The following ABLIM2 variants were observed in gnomAD, a reference collection of about 807,000 sequenced individuals.
ABLIM2 encodes the protein actin binding LIM protein family member 2.
A neutral mutation model predicts 97.7 loss-of-function variants in ABLIM2; 53 were observed. The observed-to-expected ratio is 0.54, with a 90% confidence interval of 0.44 to 0.68. The LOEUF (loss-of-function observed/expected upper bound fraction) is 0.68, where lower values mean the gene tolerates loss of function less well. ABLIM2 is among the 30% of genes least tolerant of loss of function. The probability of loss-of-function intolerance (pLI) is 0.00; values close to 1 mark genes in which losing one functional copy is unlikely to be tolerated. For synonymous variants in ABLIM2, 361 were observed against 345.8 expected, an observed-to-expected ratio of 1.04 and a Z score of -0.49; for missense variants, 835 against 867.2, an observed-to-expected ratio of 0.96 and a Z score of 0.47.
chr4:8,070,090 CTGTG>C (rs1236657268), intron 6 of ABLIM2, among the ~76,000 whole-genome samples: 1 of 151,414 alleles, frequency 6.6e-6, no homozygotes, highest in African/African-American at 2.4e-5. Context: ...CTGTGTCTTT[CTGTG>C]TGTTTGTGTG....
At position 7,984,465 on chromosome 4, in the gene ABLIM2, G is replaced by A. The variant is rs552386436; in HGVS notation, c.1735+374C>T. On this transcript the variant is annotated intron_variant, in intron 18 of 20. Coordinates refer to ENST00000447017, the MANE Select transcript of ABLIM2 (RefSeq NM_001130083.2). ...CCTGCTGAACCCGGAGAGTTCACGCGGCGTGCCGGCAGCCACACGGGGAGC... is the reference window on the plus strand; with the variant it reads ...CCTGCTGAACCCGGAGAGTTCACGCAGCGTGCCGGCAGCCACACGGGGAGC... Among the ~76,000 whole-genome samples the A allele has an allele frequency of 1.6e-4, 24 of 152,338 alleles. No individual in the cohort carries two copies. The South Asian group carries it at 4.6e-3, about 29-fold the overall frequency.
intron 9 of ABLIM2, among the ~76,000 whole-genome samples, chr4:8,037,291 C>T (rs1002571003): frequency 1.1e-4 from 16 of 151,840 alleles, no homozygotes; most frequent in African/African-American, 3.4e-4. Context: ...CATACGCACA[C>T]ATGCACACAC....
intron 2 of ABLIM2, among the ~76,000 whole-genome samples, chr4:8,102,562 CT>C (rs1835216734): frequency 6.6e-6 from 1 of 152,148 alleles, no homozygotes; most frequent in African/African-American, 2.4e-5. Context: ...ATGACTTTTA[CT>C]TAGAAAAACT....
rs571346078 is a variant in ABLIM2, at chr4:8,123,005, C to T, written c.11-16368G>A. ...CGGAGGTCGTGCCTGCCTCCCCTGG[C>T]GTTCCCACTCTGCAAGCCTCCTTCC... On this transcript the variant is annotated intron_variant, in intron 1 of 20. Coordinates refer to ENST00000447017, the MANE Select transcript of ABLIM2 (RefSeq NM_001130083.2). The surrounding 1 kb of genome is among the most constrained non-coding windows in gnomAD (Gnocchi z 6.2). Among the ~76,000 whole-genome samples the T allele has an allele frequency of 2.0e-5, 3 of 152,260 alleles. No homozygotes were observed. Among genetic ancestry groups the T allele is most frequent in the East Asian group, 1.9e-4 (1 of 5,164 alleles).
At chr4:8,078,886 C>T (rs773674479) in intron 5 of ABLIM2, among the ~76,000 whole-genome samples, 94 of 152,376 alleles carry the variant, frequency 6.2e-4, no homozygotes, top group South Asian at 1.0e-3. Context: ...GAGCGAGGTA[C>T]CTGCCACTCC....
intron 1 of ABLIM2, among the ~76,000 whole-genome samples, chr4:8,131,353 G>A (rs749408790): frequency 4.8e-4 from 73 of 152,216 alleles, no homozygotes; most frequent in East Asian, 1.2e-3. Flanking sequence ...CTTATATAAC[G>A]CACACTGCTG....
At chr4:7,972,662 G>A (rs1191931231) in intron 20 of ABLIM2, among the ~76,000 whole-genome samples, 1 of 152,204 alleles carries the variant, frequency 6.6e-6, no homozygotes, top group Non-Finnish European at 1.5e-5. Context: ...GGCGCCACGG[G>A]GGCTCCCCCG....
Position 8,033,546 on chromosome 4 carries a change from C to G in ABLIM2, c.1047+2603G>C, listed in dbSNP as rs557517634. Among the ~76,000 whole-genome samples the G allele has an allele frequency of 6.6e-6, 1 of 152,210 alleles. No individual in the cohort carries two copies. Among genetic ancestry groups the G allele is most frequent in the African/African-American group, 2.4e-5 (1 of 41,456 alleles). ...GCCCAGCCCTGTCCACCTGCCGAGG[C>G]AGGCCCCATGGGGTCGCACTTTATG... On this transcript the variant is annotated intron_variant, in intron 10 of 20. Transcript: ENST00000447017. The surrounding 1 kb of genome is among the most constrained non-coding windows in gnomAD (Gnocchi z 4.5).
In ABLIM2 at chr4:7,992,774, C is replaced by T; in HGVS notation, c.1680+92G>A. On this transcript the variant is annotated intron_variant, in intron 17 of 20. Coordinates refer to ENST00000447017, the MANE Select transcript of ABLIM2 (RefSeq NM_001130083.2). The surrounding 1 kb of genome is among the most constrained non-coding windows in gnomAD (Gnocchi z 5.7). ...GGGCCGCGGGGTCCCCGGGGCCTCT[C>T]CTCCTGCTGTGTGGTCAAGAAGCTG... The T allele has an allele frequency of 1.4e-6, 2 of 1,446,970 alleles. No individual in the cohort carries two copies. Among genetic ancestry groups the T allele is most frequent in the Admixed American group, 1.9e-5 (1 of 52,018 alleles). The allele number at this position is 1,446,970 out of a possible 1,614,324, so 89.6% of individuals were successfully genotyped here. A position where few individuals can be genotyped will look rare whatever the true frequency, so the allele number is the denominator to read the frequency against.
chr4:8,105,887 C>T (rs1370176324), intron 2 of ABLIM2, among the ~76,000 whole-genome samples: 1 of 151,966 alleles, frequency 6.6e-6, no homozygotes, highest in East Asian at 1.9e-4. Context: ...GAGGGAGACT[C>T]GGCACAGGCC....
intron 6 of ABLIM2, among the ~76,000 whole-genome samples, chr4:8,063,576 T>C (rs1387150694): frequency 6.6e-6 from 1 of 152,226 alleles, no homozygotes; most frequent in East Asian, 1.9e-4. Context: ...GTGGTAGAGC[T>C]GCGGTTACAG....
At chr4:8,050,799 C>T (rs765531258) in intron 8 of ABLIM2, among the ~76,000 whole-genome samples, 12 of 152,222 alleles carry the variant, frequency 7.9e-5, no homozygotes, top group African/African-American at 2.2e-4. Flanking sequence ...CCGGGAGCCA[C>T]GCCAGTCCCT....
At chr4:7,983,206 A>C in intron 20 of ABLIM2, 58 bp downstream of exon 20, 2 of 1,535,884 alleles carry the variant, frequency 1.3e-6, no homozygotes, top group Non-Finnish European at 1.8e-6. Context: ...CGGAGGAGGC[A>C]TCTGCGGGGA....
In ABLIM2 at chr4:8,120,332, G is replaced by A. The variant is rs923134655; in HGVS notation, c.11-13695C>T. ...CGGAGACGGGGCCTTCAAAGGTGTC[G>A]TTATGGTAAAGCAAGGTGATCTGGA... On this transcript the variant is annotated intron_variant, in intron 1 of 20. Transcript: ENST00000447017. This position sits in a 1 kb window ranked among gnomAD's most constrained non-coding sequence, Gnocchi z 5.6. 6.6e-6 allele frequency among the ~76,000 whole-genome samples: 1 copy of A among 152,166 alleles called. No homozygotes were observed. The highest frequency in any genetic ancestry group is 2.4e-5 in the African/African-American group (1 of 41,436).
At position 8,112,464 on chromosome 4, in the gene ABLIM2, C is replaced by T. The variant is rs769991089; in HGVS notation, c.11-5827G>A. 2.0e-5 allele frequency among the ~76,000 whole-genome samples: 3 copies of T among 152,204 alleles called. No homozygotes were observed. Among genetic ancestry groups the T allele is most frequent in the Non-Finnish European group, 4.4e-5 (3 of 68,038 alleles). ...GCAAGGTCTGACAGGTGGCCGTGAA[C>T]AGTAGCTGTTAGCTGAATCCTCTCC... is the stretch of plus-strand genomic sequence containing the variant. On this transcript the variant is annotated intron_variant, in intron 1 of 20. Coordinates refer to ENST00000447017, the MANE Select transcript of ABLIM2 (RefSeq NM_001130083.2). This position sits in a 1 kb window ranked among gnomAD's most constrained non-coding sequence, Gnocchi z 4.2.
At position 8,015,452 on chromosome 4, in the gene ABLIM2, C is replaced by G. The variant is rs1768305526; in HGVS notation, c.1423+4166G>C. ...GACACAGCCTGCCGTTCCTCCCCAT[C>G]CCGCCGGTCCCCAAACCAAAATGAG... is the stretch of plus-strand genomic sequence containing the variant. On this transcript the variant is annotated intron_variant, in intron 14 of 20. Transcript: ENST00000447017. This position sits in a 1 kb window ranked among gnomAD's most constrained non-coding sequence, Gnocchi z 4.6. 2.6e-5 allele frequency among the ~76,000 whole-genome samples: 4 copies of G among 152,116 alleles called. No individual in the cohort carries two copies. The South Asian group carries it at 8.3e-4, about 32-fold the overall frequency.
chr4:8,135,969 C>T (rs1258454234), intron 1 of ABLIM2, among the ~76,000 whole-genome samples: 4 of 152,220 alleles, frequency 2.6e-5, no homozygotes, highest in African/African-American at 9.6e-5. Flanking sequence ...GAGCTGCTGA[C>T]AGGACCATTA....
intron 9 of ABLIM2, among the ~76,000 whole-genome samples, chr4:8,036,601 A>G (rs1038862582): frequency 4.6e-5 from 7 of 152,234 alleles, no homozygotes; most frequent in Middle Eastern, 3.2e-3. Context: ...ACTCCAGAGC[A>G]GGCAGGCTTG....
chr4:8,156,799 G>A (rs1370870645), intron 1 of ABLIM2, among the ~76,000 whole-genome samples: 2 of 152,228 alleles, frequency 1.3e-5, no homozygotes, highest in South Asian at 2.1e-4. Flanking sequence ...CACAGTGGCC[G>A]GACGTTAGAG....
Sources: allele counts gnomAD v4.1 joint callset (sites outside exome capture counted in the v4.1 genomes callset), GRCh38; gene constraint gnomAD v4.1.1; non-coding constraint Gnocchi (gnomAD v3.1); transcripts MANE v1.5; gene names NCBI Gene and HGNC (gene_info 2026-07-23, HGNC 2026-07-21).